The following SNTG2 variants were observed in gnomAD, a reference collection of about 807,000 sequenced individuals.
SNTG2 encodes syntrophin gamma 2.
Under a neutral mutation model 70.9 loss-of-function variants are expected in SNTG2, and 74 were observed. That is an observed-to-expected ratio of 1.04 (90% CI 0.86 to 1.27). The LOEUF (loss-of-function observed/expected upper bound fraction) is 1.27, where lower values mean the gene tolerates loss of function less well. SNTG2 is among the 50% of genes most tolerant of loss of function. The pLI is 0.00. For synonymous variants in SNTG2, 278 were observed against 273.8 expected (o/e 1.02, Z -0.15); for missense variants, 717 against 690.7 (o/e 1.04, Z -0.43).
At chr2:1,118,539 TAGAAG>T (rs1295972513) in intron 4 of SNTG2, among the ~76,000 whole-genome samples, 4 of 151,776 alleles carry the variant, frequency 2.6e-5, no homozygotes, top group Non-Finnish European at 5.9e-5. Flanking sequence ...ACTTAAAAAT[TAGAAG>T]AGATAAGAAT....
In SNTG2 at chr2:1,153,861, C is replaced by T. The variant is rs150410495; in HGVS notation, c.412-11687C>T. Among the ~76,000 whole-genome samples the T allele has an allele frequency of 3.7e-3, 558 of 152,308 alleles. 2 individuals carry two copies. Among genetic ancestry groups the T allele is most frequent in the African/African-American group, 0.013 (520 of 41,568 alleles). On this transcript the variant is annotated intron_variant, in intron 6 of 16. Coordinates refer to ENST00000308624, the MANE Select transcript of SNTG2 (RefSeq NM_018968.4). ...TGCATCAGCTTGGGCACAATGCCCA[C>T]GAGAGCTGGCCTGAGGTTGGCAACT...
chr2:1,048,877 A>G (rs1418050519), intron 1 of SNTG2, among the ~76,000 whole-genome samples: 1 of 152,068 alleles, frequency 6.6e-6, no homozygotes, highest in African/African-American at 2.4e-5. Context: ...TTGTGAGGTG[A>G]TGTTGTTTTA....
intron 12 of SNTG2, among the ~76,000 whole-genome samples, chr2:1,255,793 T>C (rs1210015342): frequency 3.1e-5 from 1 of 32,350 alleles, no homozygotes; most frequent in Non-Finnish European, 8.0e-5. Flanking sequence ...TGTGTGTGTG[T>C]ATATATATAT....
At chr2:1,244,587 T>C (rs1677286264) in intron 11 of SNTG2, among the ~76,000 whole-genome samples, 3 of 149,348 alleles carry the variant, frequency 2.0e-5, no homozygotes, top group East Asian at 4.0e-4. Context: ...TCCCAGCTAC[T>C]CGGGAGGCTG....
intron 9 of SNTG2, among the ~76,000 whole-genome samples, chr2:1,229,896 G>A (rs557778006): frequency 2.6e-5 from 4 of 152,346 alleles, no homozygotes; most frequent in African/African-American, 9.6e-5. Context: ...CGAGTGCGGA[G>A]CCCGCCAAGC....
intron 6 of SNTG2, among the ~76,000 whole-genome samples, chr2:1,145,488 A>C (rs912545209): frequency 5.3e-5 from 8 of 152,358 alleles, no homozygotes; most frequent in Non-Finnish European, 1.0e-4. Context: ...TAAAAAACAC[A>C]ATCTGCAAAA....
intron 2 of SNTG2, among the ~76,000 whole-genome samples, chr2:1,089,108 G>A (rs1664859867): frequency 6.6e-6 from 1 of 152,186 alleles, no homozygotes; most frequent in Non-Finnish European, 1.5e-5. Context: ...TTGCTGAAAA[G>A]GCTTCTGAAA....
chr2:962,048 C>T (rs758100318), intron 1 of SNTG2, among the ~76,000 whole-genome samples: 8 of 152,218 alleles, frequency 5.3e-5, no homozygotes, highest in Non-Finnish European at 1.0e-4. Flanking sequence ...ATTGGTTCTT[C>T]AGTGAAATGT....
chr2:958,661 C>T (rs1297150538), intron 1 of SNTG2, among the ~76,000 whole-genome samples: 2 of 151,714 alleles, frequency 1.3e-5, no homozygotes, highest in African/African-American at 4.8e-5. Context: ...GAATTTGTAA[C>T]CAAAATACAT....
chr2:1,284,672 C>T (rs551499022), intron 14 of SNTG2, among the ~76,000 whole-genome samples: 2 of 152,244 alleles, frequency 1.3e-5, no homozygotes, highest in African/African-American at 4.8e-5. Flanking sequence ...TTTAAAATTT[C>T]ACTTAAACAT....
chr2:1,054,193 G>T (rs557683840), intron 1 of SNTG2, among the ~76,000 whole-genome samples: 1 of 151,990 alleles, frequency 6.6e-6, no homozygotes. Flanking sequence ...GGTGCGGCTC[G>T]GGGGTGTTCT....
At chr2:1,281,830 C>G (rs541436922) in intron 14 of SNTG2, among the ~76,000 whole-genome samples, 1 of 152,082 alleles carries the variant, frequency 6.6e-6, no homozygotes, top group Non-Finnish European at 1.5e-5. Flanking sequence ...CGGACACTGG[C>G]CCCACCCAGC....
intron 11 of SNTG2, among the ~76,000 whole-genome samples, chr2:1,245,389 T>A (rs990065437): frequency 1.3e-5 from 2 of 152,218 alleles, no homozygotes; most frequent in Non-Finnish European, 2.9e-5. Flanking sequence ...CTTCCTGGAA[T>A]GTGAACTCTT....
At chr2:1,251,808 G>A (rs184846138) in intron 12 of SNTG2, among the ~76,000 whole-genome samples, 3 of 144,164 alleles carry the variant, frequency 2.1e-5, no homozygotes, top group South Asian at 2.3e-4. Flanking sequence ...CCACACACAC[G>A]TGCACACCAC....
intron 1 of SNTG2, 119 bp from the exon 2 acceptor site, chr2:1,083,399 C>T (rs1664469070): frequency 2.1e-6 from 2 of 946,012 alleles, no homozygotes; most frequent in East Asian, 4.8e-5. Flanking sequence ...GATCTGTGCA[C>T]ACGCGAGCAC....
chr2:1,307,872 C>T (rs888633743), intron 14 of SNTG2, among the ~76,000 whole-genome samples: 2 of 152,220 alleles, frequency 1.3e-5, no homozygotes, highest in Admixed American at 1.3e-4. Context: ...CCCTCAGAAG[C>T]GGCACGTGCT....
intron 14 of SNTG2, among the ~76,000 whole-genome samples, chr2:1,289,735 C>G (rs1048642502): frequency 6.6e-6 from 1 of 152,182 alleles, no homozygotes. Flanking sequence ...ACCACCATCA[C>G]CAGAACCCTG....
intron 1 of SNTG2, among the ~76,000 whole-genome samples, chr2:954,324 T>C (rs73908617): frequency 0.039 from 5,971 of 152,254 alleles, 385 homozygotes; most frequent in African/African-American, 0.14. Flanking sequence ...GTTCCGAAGG[T>C]CACTTTGTAT....
At chr2:1,006,321 GA>G (rs546449901) in intron 1 of SNTG2, among the ~76,000 whole-genome samples, 21 of 148,392 alleles carry the variant, frequency 1.4e-4, no homozygotes, top group East Asian at 2.0e-4. Flanking sequence ...TTAAAAAAAA[GA>G]AAAAAAATGC....
Sources: allele counts gnomAD v4.1 joint callset (sites outside exome capture counted in the v4.1 genomes callset), GRCh38; gene constraint gnomAD v4.1.1; transcripts MANE v1.5; gene names NCBI Gene and HGNC (gene_info 2026-07-23, HGNC 2026-07-21).